The following MBNL2 variants were observed in gnomAD, a reference collection of about 807,000 sequenced individuals.
MBNL2 encodes muscleblind like splicing regulator 2.
MBNL2 carries 17 observed loss-of-function variants against 41.9 expected under a neutral mutation model. That is an observed-to-expected ratio of 0.41 (90% CI 0.28 to 0.61). MBNL2 has a LOEUF of 0.61. Among genes scored for constraint, MBNL2 ranks in the 20% least tolerant of loss-of-function variants. The probability of loss-of-function intolerance (pLI) is 0.35; values close to 1 mark genes in which losing one functional copy is unlikely to be tolerated. For missense variants in MBNL2, 336 were observed against 505.6 expected, an observed-to-expected ratio of 0.66 and a Z score of 3.22; for synonymous variants, 195 against 182.9, an observed-to-expected ratio of 1.07 and a Z score of -0.53.
At chr13:97,182,034 G>T in the MBNL2 span, among the ~76,000 whole-genome samples, 1 of 152,100 alleles carries the variant, frequency 6.6e-6, no homozygotes, top group African/African-American at 2.4e-5. Flanking sequence ...GGGTTAGTAG[G>T]GGTTTTTTAT....
intron 2 of MBNL2, among the ~76,000 whole-genome samples, chr13:97,294,394 T>C (rs1033377970): frequency 2.4e-4 from 37 of 152,186 alleles, no homozygotes; most frequent in Non-Finnish European, 1.0e-4. Flanking sequence ...TACTAAACCA[T>C]GTGTACCGGT....
chr13:97,239,416 G>T (rs1342152263), intron 1 of MBNL2, among the ~76,000 whole-genome samples: 1 of 152,202 alleles, frequency 6.6e-6, no homozygotes, highest in Non-Finnish European at 1.5e-5. Context: ...AAGTGTTTTA[G>T]TATTGAGGCA....
At chr13:97,233,171 ATAT>A (rs1196697519) in intron 1 of MBNL2, among the ~76,000 whole-genome samples, 3 of 108,786 alleles carry the variant, frequency 2.8e-5, no homozygotes, top group Admixed American at 9.6e-5. Flanking sequence ...ATATATATAT[ATAT>A]ATCTTTTTAT....
the MBNL2 span, among the ~76,000 whole-genome samples, chr13:97,151,458 C>T: frequency 3.3e-5 from 5 of 152,034 alleles, no homozygotes; most frequent in African/African-American, 7.2e-5. Context: ...ATAGTGTGTT[C>T]GGTGGTGCTC....
chr13:97,175,917 T>C, the MBNL2 span, among the ~76,000 whole-genome samples: 2 of 152,144 alleles, frequency 1.3e-5, no homozygotes, highest in African/African-American at 2.4e-5. Context: ...TAGGAAAATC[T>C]GAAACCCTGA....
chr13:97,187,661 A>G, the MBNL2 span, among the ~76,000 whole-genome samples: 23 of 146,932 alleles, frequency 1.6e-4, no homozygotes, highest in Non-Finnish European at 2.5e-4. Context: ...TAATCCCAGC[A>G]CTTTGGGAGG....
At chr13:97,317,064 C>T (rs144233579) in intron 2 of MBNL2, among the ~76,000 whole-genome samples, 392 of 152,268 alleles carry the variant, frequency 2.6e-3, no homozygotes, top group African/African-American at 9.2e-3. Flanking sequence ...CTGGACCAGC[C>T]TGACAATGCC....
At chr13:97,184,396 T>C in the MBNL2 span, among the ~76,000 whole-genome samples, 2 of 152,210 alleles carry the variant, frequency 1.3e-5, no homozygotes, top group Non-Finnish European at 2.9e-5. Context: ...CCATGATGTT[T>C]TGCTCTCATC....
chr13:97,185,332 G>A, the MBNL2 span, among the ~76,000 whole-genome samples: 1 of 152,178 alleles, frequency 6.6e-6, no homozygotes, highest in Non-Finnish European at 1.5e-5. Context: ...CTTGGAATGA[G>A]AATCAGGTTT....
the MBNL2 span, among the ~76,000 whole-genome samples, chr13:97,151,401 A>G: frequency 6.6e-6 from 1 of 151,958 alleles, no homozygotes; most frequent in Non-Finnish European, 1.5e-5. Context: ...CAAGGAGGTT[A>G]AAAAAAAGAG....
At chr13:97,319,465 A>G (rs2059326203) in intron 2 of MBNL2, among the ~76,000 whole-genome samples, 1 of 152,110 alleles carries the variant, frequency 6.6e-6, no homozygotes. Context: ...AGCTGAATAG[A>G]GCAGGCCTCT....
At chr13:97,224,375 T>C (rs1042824454) in intron 1 of MBNL2, among the ~76,000 whole-genome samples, 1 of 152,136 alleles carries the variant, frequency 6.6e-6, no homozygotes, top group Non-Finnish European at 1.5e-5. Context: ...TGCAAATCCA[T>C]GTCACAGGTG....
upstream of MBNL2, among the ~76,000 whole-genome samples, chr13:97,218,985 T>G (rs2040642241): frequency 2.0e-5 from 3 of 151,654 alleles, no homozygotes; most frequent in Non-Finnish European, 2.9e-5. Flanking sequence ...ATAACCAAAT[T>G]AATGTATAAC....
At chr13:97,372,311 A>G (rs189137219) in intron 8 of MBNL2, among the ~76,000 whole-genome samples, 1 of 152,352 alleles carries the variant, frequency 6.6e-6, no homozygotes, top group East Asian at 1.9e-4. Flanking sequence ...TCAAAGTCTT[A>G]CCACATCTTC....
intron 1 of MBNL2, among the ~76,000 whole-genome samples, chr13:97,274,304 C>T (rs2051714079): frequency 6.6e-6 from 1 of 152,158 alleles, no homozygotes; most frequent in East Asian, 1.9e-4. Context: ...GCCTGGTCAA[C>T]ATGGTGAAAC....
chr13:97,352,167 G>C (rs949782259), intron 5 of MBNL2, among the ~76,000 whole-genome samples: 2 of 151,966 alleles, frequency 1.3e-5, no homozygotes, highest in African/African-American at 4.8e-5. Flanking sequence ...AGGCTGTTTT[G>C]CTTTCTTATC....
rs16953968 is a variant in MBNL2 at position 97,277,225 on chromosome 13, A to G, written c.174+816A>G. Among the ~76,000 whole-genome samples the G allele has an allele frequency of 7.6e-3, 1,152 of 152,288 alleles. 15 individuals carry two copies. Among genetic ancestry groups the G allele is most frequent in the African/African-American group, 0.027 (1,108 of 41,554 alleles). ...ATTTAATGAAAGATCTAGAAGTGGCATGAGTTAACCGCTAATGCTGGGGGG... is the reference window on the plus strand; with the variant it reads ...ATTTAATGAAAGATCTAGAAGTGGCGTGAGTTAACCGCTAATGCTGGGGGG... On this transcript the variant is annotated intron_variant, in intron 2 of 8. Coordinates refer to ENST00000679496, the MANE Select transcript of MBNL2 (RefSeq NM_001382683.1).
chr13:97,273,592 A>G (rs1240750237), intron 1 of MBNL2, among the ~76,000 whole-genome samples: 2 of 152,256 alleles, frequency 1.3e-5, no homozygotes, highest in Non-Finnish European at 2.9e-5. Flanking sequence ...GCATGCAATT[A>G]TAACTCATGC....
intron 2 of MBNL2, among the ~76,000 whole-genome samples, chr13:97,296,251 CTT>C (rs760006857): frequency 6.6e-6 from 1 of 152,090 alleles, no homozygotes; most frequent in Non-Finnish European, 1.5e-5. Context: ...CTTTAGGTAA[CTT>C]TTTATTAGCC....
Sources: allele counts gnomAD v4.1 joint callset (sites outside exome capture counted in the v4.1 genomes callset), GRCh38; gene constraint gnomAD v4.1.1; transcripts MANE v1.5; gene names NCBI Gene and HGNC (gene_info 2026-07-23, HGNC 2026-07-21).